MN1: variants seen among roughly 807,000 people sequenced by gnomAD.
MN1 encodes transcriptional activator MN1.
In MN1, 19 loss-of-function variants were observed where a neutral mutation model predicts 86.9. The observed-to-expected ratio is 0.22, with a 90% confidence interval of 0.15 to 0.32. The LOEUF is 0.32. MN1 is among the 10% of genes least tolerant of loss of function. MN1 has a pLI of 1.00. For synonymous variants in MN1, 928 were observed against 849.6 expected, an observed-to-expected ratio of 1.09 and a Z score of -1.60; for missense variants, 1,841 against 1,862.0, an observed-to-expected ratio of 0.99 and a Z score of 0.21.
intron 1 of MN1, among the ~76,000 whole-genome samples, chr22:27,751,995 G>A (rs1202089872): frequency 6.6e-6 from 1 of 152,198 alleles, no homozygotes; most frequent in Non-Finnish European, 1.5e-5. Context: ...GAGAAGAGGA[G>A]CCCTTCGGGA....
At position 27,749,339 on chromosome 22, in the gene MN1, G is replaced by A. The variant is rs41277849; in HGVS notation, c.*1576C>T. On this transcript the variant is annotated 3_prime_UTR_variant, in exon 2 of 2. Transcript: ENST00000302326. ...CAAACTCTGAGGACCTGGAGGGGGT[G>A]GGGGAGCTCAAAGTGGAGCGTTTTA... 0.017 allele frequency: 4,008 copies of A among 232,152 alleles called. 53 individuals are homozygous for A. Among genetic ancestry groups the A allele is most frequent in the Non-Finnish European group, 0.026 (3,044 of 117,332 alleles). 14.4% of individuals were successfully genotyped at this position (232,152 alleles called of 1,614,324 possible).
rs45463494 is a variant in MN1, at chr22:27,799,485, C to T, written c.1059G>A (p.Pro353=). 4.2e-3 allele frequency: 6,162 copies of T among 1,452,772 alleles called. 25 individuals are homozygous for T. Among genetic ancestry groups the T allele is most frequent in the Middle Eastern group, 0.013 (62 of 4,820 alleles). 90.0% of individuals were successfully genotyped at this position (1,452,772 alleles called of 1,614,324 possible). A position where few individuals can be genotyped will look rare whatever the true frequency, so the allele number is the denominator to read the frequency against. ...QAPPPPQQQP[P]QQPPQQQPPP... ...GCGGCTGCTGCTGTGGCGGCTGCTG[C>T]GGGGGCTGCTGCTGAGGGGGTGGCG... The change falls in exon 1 of 2, where the codon CCG becomes CCA. Residue 353 remains proline, a synonymous_variant. Transcript: ENST00000302326.
chr22:27,755,404 G>A (rs1415878206), intron 1 of MN1, among the ~76,000 whole-genome samples: 1 of 152,188 alleles, frequency 6.6e-6, no homozygotes, highest in South Asian at 2.1e-4. Flanking sequence ...ACAGGGGGCC[G>A]AGGGCAGGGG....
At position 27,799,020 on chromosome 22, in the gene MN1, C is replaced by G. The variant is rs572852628; in HGVS notation, c.1524G>C (p.Ser508=). The G allele has an allele frequency of 5.0e-6, 8 of 1,611,474 alleles. No individual in the cohort carries two copies. The highest frequency in any genetic ancestry group is 1.7e-5 in the Admixed American group (1 of 59,842). ...GGGCCGGATGCTGCAGGGGCGGCCC[C>G]GAAGGGAAGCTGTCGGGCACAGGCG... The part of the protein sequence containing the change: ...FTPPVPDSFP[S]GPPLQHPAPD... The change falls in exon 1 of 2, where the codon TCG becomes TCC. Residue 508 remains serine, a synonymous_variant. Coordinates refer to ENST00000302326, the MANE Select transcript of MN1 (RefSeq NM_002430.3).
Position 27,798,281 on chromosome 22 carries a change from A to C in MN1, c.2263T>G (p.Ser755Ala), listed in dbSNP as rs1255476603. ...ACGCCTGGACCGCTGTGCGGCGTGG[A>C]CTGCCGGCCGGCTGCACCAAACGGA... ...GFPFGAAGRQ[S>A]TPHSGPGVNS... Residue 755 changes from serine to alanine, a missense_variant, in exon 1 of 2, where the codon TCC becomes GCC. Transcript: ENST00000302326. 2.0e-6 allele frequency: 3 copies of C among 1,526,780 alleles called. No homozygotes were observed. Among genetic ancestry groups the C allele is most frequent in the African/African-American group, 1.4e-5 (1 of 71,114 alleles). The allele number at this position is 1,526,780 out of a possible 1,614,324, so 94.6% of individuals were successfully genotyped here. A position where few individuals can be genotyped will look rare whatever the true frequency, so the allele number is the denominator to read the frequency against.
At chr22:27,786,353 C>G (rs1476710973) in intron 1 of MN1, among the ~76,000 whole-genome samples, 6 of 152,120 alleles carry the variant, frequency 3.9e-5, no homozygotes, top group African/African-American at 1.4e-4. Flanking sequence ...TTTGTTATTC[C>G]TTTTCTCAGC....
chr22:27,797,706 T>C lies in MN1; in HGVS notation c.2838A>G (p.Arg946=), dbSNP rs762455386. 6.2e-7 allele frequency: 1 copy of C among 1,610,710 alleles called. No individual in the cohort carries two copies. Among genetic ancestry groups the C allele is most frequent in the Admixed American group, 1.7e-5 (1 of 59,798 alleles). ...GGCTCACGTGACCACTGTCCCTTTT[T>C]CTGCGACCCCGTCCCCGGCCGCCGC... The part of the protein sequence containing the change: ...SGGGGRGRGR[R]KRDSGHVSPG... The change falls in exon 1 of 2, where the codon AGA becomes AGG. Residue 946 remains arginine (R), a synonymous_variant. Coordinates refer to ENST00000302326, the MANE Select transcript of MN1 (RefSeq NM_002430.3).
intron 1 of MN1, among the ~76,000 whole-genome samples, chr22:27,791,217 T>A (rs1261491998): frequency 6.6e-6 from 1 of 151,948 alleles, no homozygotes; most frequent in Non-Finnish European, 1.5e-5. Context: ...TCAGCTGTGC[T>A]CTTTCGAGCT....
At chr22:27,776,566 GCC>G (rs760935646) in intron 1 of MN1, among the ~76,000 whole-genome samples, 6 of 152,168 alleles carry the variant, frequency 3.9e-5, no homozygotes, top group Non-Finnish European at 8.8e-5. Context: ...CCTAGAATCT[GCC>G]GGTCACCTCG....
rs184257100 is a variant in MN1, at chr22:27,793,466, C to T, written c.3781+3297G>A. Among the ~76,000 whole-genome samples the T allele has an allele frequency of 8.5e-5, 13 of 152,272 alleles. No individual in the cohort carries two copies. The East Asian group carries it at 2.5e-3, about 29-fold the overall frequency. On this transcript the variant is annotated intron_variant, in intron 1 of 1. Coordinates refer to ENST00000302326, the MANE Select transcript of MN1 (RefSeq NM_002430.3). ...CCAATTTAATTGATGTTTGAATAGG[C>T]CCAAACTCAGGCTGGGTTTTGTTTT...
chr22:27,748,689 T>G lies in MN1; in HGVS notation c.*2226A>C, dbSNP rs1459953563. ...ACATCCTTTTGCTTAAGGCTATTTT[T>G]AAAGCTGTTTCATTCTGGGGTCGTG... On this transcript the variant is annotated 3_prime_UTR_variant, in exon 2 of 2. Transcript: ENST00000302326. 4.6e-6 allele frequency: 1 copy of G among 215,888 alleles called. No individual in the cohort carries two copies. Among genetic ancestry groups the G allele is most frequent in the African/African-American group, 2.3e-5 (1 of 44,346 alleles). The allele number at this position is 215,888 out of a possible 1,614,324, so 13.4% of individuals were successfully genotyped here.
Position 27,798,041 on chromosome 22 carries a change from T to C in MN1, c.2503A>G (p.Met835Val). The C allele has an allele frequency of 6.2e-7, 1 of 1,610,350 alleles. No individual in the cohort carries two copies. The highest frequency in any genetic ancestry group is 8.5e-7 in the Non-Finnish European group (1 of 1,179,304). The change falls in exon 1 of 2, where the codon ATG becomes GTG. Residue 835 changes from methionine to valine, a missense_variant. Coordinates refer to ENST00000302326, the MANE Select transcript of MN1 (RefSeq NM_002430.3). ...LAALSTACQN[M>V]IASLGAPNLN... ...TTGGGGGCCCCGAGGCTGGCGATCA[T>C]GTTCTGGCAAGCGGTGGAGAGCGCA... is the stretch of plus-strand genomic sequence containing the variant.
At chr22:27,774,050 G>A (rs995188479) in intron 1 of MN1, among the ~76,000 whole-genome samples, 1 of 152,116 alleles carries the variant, frequency 6.6e-6, no homozygotes, top group African/African-American at 2.4e-5. Context: ...CGGCCCCCTG[G>A]ACAAACCTGC....
intron 1 of MN1, among the ~76,000 whole-genome samples, chr22:27,787,940 G>A (rs1012454622): frequency 2.6e-5 from 4 of 152,118 alleles, no homozygotes; most frequent in East Asian, 1.9e-4. Context: ...GGGTCCTCCG[G>A]ATCTACCTCC....
intron 1 of MN1, among the ~76,000 whole-genome samples, chr22:27,773,388 G>A (rs957339531): frequency 7.2e-5 from 11 of 152,212 alleles, no homozygotes; most frequent in African/African-American, 9.6e-5. Flanking sequence ...GAGGGAGGCC[G>A]CAGGCCAGCG....
At chr22:27,781,623 G>A (rs1279687690) in intron 1 of MN1, among the ~76,000 whole-genome samples, 2 of 152,180 alleles carry the variant, frequency 1.3e-5, no homozygotes, top group African/African-American at 4.8e-5. Context: ...TGACACCAAA[G>A]CCCATGCTCT....
chr22:27,790,013 A>G (rs1242156418), intron 1 of MN1, among the ~76,000 whole-genome samples: 1 of 152,190 alleles, frequency 6.6e-6, no homozygotes. Context: ...AACCCCTTGG[A>G]TTTCAAGACT....
intron 1 of MN1, among the ~76,000 whole-genome samples, chr22:27,761,631 G>T (rs1425267171): frequency 6.6e-6 from 1 of 152,040 alleles, no homozygotes; most frequent in African/African-American, 2.4e-5. Flanking sequence ...GGGGCAGGGA[G>T]GGCCTGCATT....
chr22:27,800,096 C>T lies in MN1; in HGVS notation c.448G>A (p.Ala150Thr), dbSNP rs1361437225. ...TCCGCCATGTGCTCATAGCCCTCGGCGAAGGGCGGCTGGCTGCCCAGGCCT... is the reference window on the plus strand; with the variant it reads ...TCCGCCATGTGCTCATAGCCCTCGGTGAAGGGCGGCTGGCTGCCCAGGCCT... ...AGGLGSQPPF[A>T]EGYEHMAESQ... The change falls in exon 1 of 2, where the codon GCC becomes ACC. Residue 150 changes from alanine to threonine, a missense_variant. Ala to Thr is a moderately conservative substitution (Grantham distance 58). Transcript: ENST00000302326. 1.3e-6 allele frequency: 2 copies of T among 1,588,232 alleles called. No homozygotes were observed. Among genetic ancestry groups the T allele is most frequent in the African/African-American group, 2.7e-5 (2 of 74,558 alleles).
Sources: gnomAD v4.1 joint callset for allele counts (sites outside exome capture counted in the v4.1 genomes callset) on GRCh38, gnomAD v4.1.1 for gene constraint, MANE v1.5 for transcripts, NCBI Gene and HGNC (gene_info 2026-07-23, HGNC 2026-07-21) for gene names.